Variants in C2orf76 observed in about 807,000 individuals in gnomAD.
C2orf76 encodes UPF0538 protein C2orf76.
A neutral mutation model predicts 16.9 loss-of-function variants in C2orf76; 23 were observed. That is an observed-to-expected ratio of 1.36 (90% CI 0.98 to 1.93). C2orf76 has a LOEUF of 1.93. Among genes scored for constraint, C2orf76 ranks in the 30% most tolerant of loss-of-function variants. C2orf76 has a pLI of 0.00. For missense variants in C2orf76, 152 were observed against 152.6 expected (o/e 1.00, Z 0.02); for synonymous variants, 48 against 52.3 (o/e 0.92, Z 0.35).
At chr2:119,338,789 G>C (rs772591571) in intron 2 of C2orf76, 1 of 152,250 alleles carries the variant, frequency 6.6e-6, no homozygotes, top group Non-Finnish European at 1.5e-5. Context: ...TATATCATAG[G>C]GAAAGGGTGA....
At chr2:119,356,458 A>AAGCACTGTGAAGAGGAAAATGTAT (rs1367891375) in intron 1 of C2orf76, among the ~76,000 whole-genome samples, 3 of 151,900 alleles carry the variant, frequency 2.0e-5, no homozygotes, top group Admixed American at 6.6e-5. Flanking sequence ...GACACAGTTA[A>AAGCACTGTGAAGAGGAAAATGTAT]AGCACTGTGA....
At chr2:119,284,249 G>T in the C2orf76 span, among the ~76,000 whole-genome samples, 1 of 152,122 alleles carries the variant, frequency 6.6e-6, no homozygotes, top group African/African-American at 2.4e-5. Context: ...GTCACATCCC[G>T]CCTGGCTGAG....
the C2orf76 span, among the ~76,000 whole-genome samples, chr2:119,284,138 G>T: frequency 6.6e-6 from 1 of 152,116 alleles, no homozygotes; most frequent in Non-Finnish European, 1.5e-5. Flanking sequence ...GAGACACTGA[G>T]GTTCCCAGCT....
chr2:119,326,598 GA>G (rs35908652), intron 2 of C2orf76, among the ~76,000 whole-genome samples: 85,124 of 149,900 alleles, frequency 0.57, 24,278 homozygotes, highest in African/African-American at 0.62. Context: ...TATCTGAAAG[GA>G]AAAAAAAAAG....
intron 1 of C2orf76, among the ~76,000 whole-genome samples, chr2:119,345,195 G>A (rs1056691635): frequency 5.9e-5 from 9 of 152,090 alleles, no homozygotes; most frequent in African/African-American, 1.7e-4. Context: ...TATCCTAATA[G>A]AAACAAGGAT....
intron 1 of C2orf76, among the ~76,000 whole-genome samples, chr2:119,342,544 G>A (rs1428837537): frequency 6.6e-6 from 1 of 151,786 alleles, no homozygotes; most frequent in Non-Finnish European, 1.5e-5. Flanking sequence ...CCCAGGAGAC[G>A]GAGGTTGCAG....
At chr2:119,281,821 C>T in the C2orf76 span, among the ~76,000 whole-genome samples, 12 of 152,142 alleles carry the variant, frequency 7.9e-5, no homozygotes, top group African/African-American at 1.7e-4. Flanking sequence ...GTCTTAAGGA[C>T]GTTGCCATCA....
chr2:119,303,907 A>G (rs1228336657), intron 5 of C2orf76, among the ~76,000 whole-genome samples: 1 of 101,352 alleles, frequency 9.9e-6, no homozygotes, highest in Non-Finnish European at 2.5e-5. Context: ...AGCACAGAGA[A>G]ACTGGAGATC....
chr2:119,345,149 T>C (rs1036111265), intron 1 of C2orf76, among the ~76,000 whole-genome samples: 1 of 152,172 alleles, frequency 6.6e-6, no homozygotes, highest in Admixed American at 6.5e-5. Flanking sequence ...AAAAGACTGA[T>C]AGTTGTAACA....
At chr2:119,315,309 T>C (rs1308395719) in intron 4 of C2orf76, among the ~76,000 whole-genome samples, 1 of 152,118 alleles carries the variant, frequency 6.6e-6, no homozygotes, top group Non-Finnish European at 1.5e-5. Flanking sequence ...GGAAAGTCTC[T>C]AAGCCCAGAA....
At chr2:119,353,976 G>T (rs551152686) in intron 1 of C2orf76, among the ~76,000 whole-genome samples, 1 of 152,068 alleles carries the variant, frequency 6.6e-6, no homozygotes, top group Admixed American at 6.6e-5. Context: ...GCGTTCTATG[G>T]TTAACAGTAC....
chr2:119,356,535 G>A (rs1278241212), intron 1 of C2orf76, among the ~76,000 whole-genome samples: 2 of 151,736 alleles, frequency 1.3e-5, no homozygotes, highest in Non-Finnish European at 2.9e-5. Flanking sequence ...ATGTATAAAT[G>A]CATAAATTAA....
At chr2:119,365,460 T>C (rs1414061859) in intron 1 of C2orf76, among the ~76,000 whole-genome samples, 1 of 152,236 alleles carries the variant, frequency 6.6e-6, no homozygotes, top group Non-Finnish European at 1.5e-5. Context: ...AAACCCTAGA[T>C]TTGTTCCCTA....
Position 119,302,466 on chromosome 2 carries a change from A to G in C2orf76, c.*6T>C. 4.1e-6 allele frequency: 5 copies of G among 1,206,298 alleles called. No homozygotes were observed. Among genetic ancestry groups the G allele is most frequent in the Non-Finnish European group, 5.9e-6 (5 of 841,926 alleles). 74.7% of individuals were successfully genotyped at this position (1,206,298 alleles called of 1,614,324 possible). On this transcript the variant is annotated 3_prime_UTR_variant, in exon 6 of 6. Coordinates refer to ENST00000334816, the MANE Select transcript of C2orf76 (RefSeq NM_001322331.2). ...GGTATGCAAAAAGGAAGCCCTCGAG[A>G]TGTTTTCACCAGGATGAAATGGGAT...
intron 2 of C2orf76, among the ~76,000 whole-genome samples, chr2:119,336,425 A>G (rs1679848940): frequency 6.6e-6 from 1 of 151,790 alleles, no homozygotes; most frequent in Admixed American, 6.6e-5. Flanking sequence ...CATCAGAAAT[A>G]GGTTTATTAT....
downstream of C2orf76, among the ~76,000 whole-genome samples, chr2:119,301,076 A>AACACGCACACAC (rs1553444736): frequency 6.8e-6 from 1 of 146,140 alleles, no homozygotes; most frequent in African/African-American, 2.5e-5. Flanking sequence ...ACTTCTTAAA[A>AACACGCACACAC]ACACACACAC....
At chr2:119,291,073 G>A in the C2orf76 span, among the ~76,000 whole-genome samples, 271 of 152,098 alleles carry the variant, frequency 1.8e-3, 4 homozygotes, top group African/African-American at 6.3e-3. Context: ...GGTGGCTGAA[G>A]GGTAGGCAAA....
At chr2:119,329,114 G>A (rs962752485) in intron 2 of C2orf76, among the ~76,000 whole-genome samples, 8 of 152,186 alleles carry the variant, frequency 5.3e-5, no homozygotes, top group Non-Finnish European at 8.8e-5. Context: ...GGTTGCTAGT[G>A]TTTTTAAGTT....
chr2:119,312,197 A>C (rs892558967), intron 4 of C2orf76, among the ~76,000 whole-genome samples: 2 of 152,150 alleles, frequency 1.3e-5, no homozygotes, highest in African/African-American at 4.8e-5. Context: ...GACAGAGCTG[A>C]GCTTCCAGCT....
Sources: gnomAD v4.1 joint callset for allele counts (sites outside exome capture counted in the v4.1 genomes callset) on GRCh38, gnomAD v4.1.1 for gene constraint, MANE v1.5 for transcripts, NCBI Gene and HGNC (gene_info 2026-07-23, HGNC 2026-07-21) for gene names.